COMMD1: variants seen among roughly 807,000 people sequenced by gnomAD.
The protein encoded by COMMD1 is COMM domain-containing protein 1.
Under a neutral mutation model 17.2 loss-of-function variants are expected in COMMD1, and 10 were observed. The ratio of observed to expected loss-of-function variants is 0.58; its 90% CI spans 0.36 to 0.99. The LOEUF (loss-of-function observed/expected upper bound fraction) is 0.99. Among genes scored for constraint, COMMD1 ranks in the 50% least tolerant of loss-of-function variants. COMMD1 has a pLI of 0.01. For synonymous variants in COMMD1, 97 were observed against 91.6 expected (o/e 1.06, Z -0.34); for missense variants, 270 against 231.8 (o/e 1.17, Z -1.07).
intron 2 of COMMD1, among the ~76,000 whole-genome samples, chr2:62,118,741 A>C (rs1468788387): frequency 1.3e-5 from 2 of 152,244 alleles, no homozygotes; most frequent in African/African-American, 4.8e-5. Flanking sequence ...AATCAAGTTC[A>C]ATGAGGGTGA....
chr2:61,890,503 C>T (rs1236018811), intron 1 of COMMD1, among the ~76,000 whole-genome samples: 3 of 152,070 alleles, frequency 2.0e-5, no homozygotes, highest in Admixed American at 6.5e-5. Flanking sequence ...GCAGGCTTGG[C>T]GAGAGCCACC....
chr2:61,897,284 C>T (rs566510641), intron 1 of COMMD1, among the ~76,000 whole-genome samples: 97 of 152,268 alleles, frequency 6.4e-4, no homozygotes, highest in Non-Finnish European at 1.2e-3. Flanking sequence ...ACTCTTTGTC[C>T]CACTTAGCAT....
At position 61,960,360 on chromosome 2, in the gene COMMD1, G is replaced by A. The variant is rs1270782838; in HGVS notation, c.181-40341G>A. Among the ~76,000 whole-genome samples, 3 of 152,006 alleles carry A rather than the reference G, an allele frequency of 2.0e-5. No homozygotes were observed. In the East Asian group the frequency reaches 5.8e-4, roughly 29 times the overall value. On this transcript the variant is annotated intron_variant, in intron 1 of 2. Transcript: ENST00000311832. ...GGGGAGTTGGGGATAGATTAGTAAG[G>A]GTAGTACTGACGAGTTTCTGCACTA...
intron 1 of COMMD1, among the ~76,000 whole-genome samples, chr2:61,910,251 GC>G (rs147140838): frequency 6.6e-6 from 1 of 150,716 alleles, no homozygotes; most frequent in African/African-American, 2.4e-5. Context: ...GCTAAACACT[GC>G]CCCCCCCTTT....
intron 1 of COMMD1, among the ~76,000 whole-genome samples, chr2:61,890,773 G>C (rs1669410660): frequency 6.7e-6 from 1 of 148,578 alleles, no homozygotes; most frequent in Non-Finnish European, 1.5e-5. Flanking sequence ...GTTGCAGTGA[G>C]CCGAGATTGC....
intron 1 of COMMD1, 26 bp downstream of exon 1, chr2:61,905,884 G>T: frequency 6.2e-7 from 1 of 1,612,618 alleles, no homozygotes; most frequent in South Asian, 1.1e-5. Flanking sequence ...GTAGTCTCCG[G>T]CTTGGAGCAG....
chr2:61,952,155 G>C (rs1485946990), intron 1 of COMMD1, among the ~76,000 whole-genome samples: 1 of 152,210 alleles, frequency 6.6e-6, no homozygotes, highest in Non-Finnish European at 1.5e-5. Context: ...CCAAGCTCAT[G>C]ATGGGAAGAA....
chr2:61,965,768 T>C (rs544486921), intron 1 of COMMD1, among the ~76,000 whole-genome samples: 7 of 152,076 alleles, frequency 4.6e-5, no homozygotes, highest in African/African-American at 1.7e-4. Context: ...GCTACCCTTC[T>C]CACATGGAGA....
At chr2:61,975,442 C>T (rs2103736568) in intron 1 of COMMD1, among the ~76,000 whole-genome samples, 2 of 152,176 alleles carry the variant, frequency 1.3e-5, no homozygotes, top group African/African-American at 4.8e-5. Context: ...TAAGAAACTG[C>T]CAAAGTTTTA....
chr2:62,045,583 G>C (rs973911537), intron 2 of COMMD1, among the ~76,000 whole-genome samples: 3 of 147,120 alleles, frequency 2.0e-5, no homozygotes, highest in African/African-American at 7.6e-5. Context: ...TGTATTTTTA[G>C]TAGAGACAGG....
intron 1 of COMMD1, among the ~76,000 whole-genome samples, chr2:61,999,930 CTTT>C (rs113297946): frequency 1.4e-5 from 2 of 140,132 alleles, no homozygotes; most frequent in African/African-American, 2.8e-5. Flanking sequence ...CCCCCACCCA[CTTT>C]TTTTTTTTTG....
intron 2 of COMMD1, among the ~76,000 whole-genome samples, chr2:62,107,760 C>T (rs1408776384): frequency 6.6e-6 from 1 of 152,134 alleles, no homozygotes; most frequent in South Asian, 2.1e-4. Context: ...TTTTAGAACT[C>T]TAAGTTTTAT....
chr2:62,012,069 G>A (rs1408531821), intron 2 of COMMD1, among the ~76,000 whole-genome samples: 2 of 151,980 alleles, frequency 1.3e-5, no homozygotes, highest in African/African-American at 4.8e-5. Flanking sequence ...CCAACCTGGT[G>A]AAACTCCGTC....
At chr2:61,905,552 C>T (rs905610200), upstream of COMMD1, 5 of 906,660 alleles carry the variant, frequency 5.5e-6, no homozygotes, top group African/African-American at 1.7e-5. Flanking sequence ...ACTCTGACCC[C>T]TGGGGAAGCC....
At chr2:61,891,375 C>T (rs1273218451) in intron 1 of COMMD1, among the ~76,000 whole-genome samples, 1 of 152,192 alleles carries the variant, frequency 6.6e-6, no homozygotes, top group Admixed American at 6.5e-5. Context: ...AAATGTTAAA[C>T]ATCGGCTTTC....
intron 2 of COMMD1, among the ~76,000 whole-genome samples, chr2:62,024,406 G>A (rs1288020945): frequency 6.6e-6 from 1 of 152,092 alleles, no homozygotes; most frequent in Non-Finnish European, 1.5e-5. Flanking sequence ...TTAATTGCAA[G>A]CCTAGTAAAT....
chr2:62,130,600 C>T (rs1019316087), intron 2 of COMMD1, among the ~76,000 whole-genome samples: 2 of 152,072 alleles, frequency 1.3e-5, no homozygotes, highest in Non-Finnish European at 2.9e-5. Flanking sequence ...GAGGATAAAG[C>T]GTTGTGAAAA....
rs546629814 is a variant in COMMD1, at chr2:61,966,862, A to AT, written c.181-33838dup. ...TCCTGTTTTTGCCACCTGTGATAAAATAATAAGGCTTCTATTTATCTAAGA... is the reference window on the plus strand; with the variant it reads ...TCCTGTTTTTGCCACCTGTGATAAAATTAATAAGGCTTCTATTTATCTAAGA... On this transcript the variant is annotated intron_variant, in intron 1 of 2. Transcript: ENST00000311832. 5.3e-4 allele frequency among the ~76,000 whole-genome samples: 80 copies of AT among 152,270 alleles called. 1 individual carries two copies. The highest frequency in any genetic ancestry group is 1.8e-3 in the African/African-American group (76 of 41,576).
At chr2:62,112,415 G>T (rs1573200025) in intron 2 of COMMD1, among the ~76,000 whole-genome samples, 1 of 152,170 alleles carries the variant, frequency 6.6e-6, no homozygotes. Flanking sequence ...TGTTTCTCCG[G>T]AACAATGTCA....
Sources: gnomAD v4.1 joint callset for allele counts (sites outside exome capture counted in the v4.1 genomes callset) on GRCh38, gnomAD v4.1.1 for gene constraint, MANE v1.5 for transcripts, NCBI Gene and HGNC (gene_info 2026-07-23, HGNC 2026-07-21) for gene names.